The following DST variants were observed in gnomAD, a reference collection of about 807,000 sequenced individuals.
DST encodes bullous pemphigoid antigen.
DST carries 253 observed loss-of-function variants against 875.2 expected under a neutral mutation model. That is an observed-to-expected ratio of 0.29 (90% CI 0.26 to 0.32). The LOEUF (loss-of-function observed/expected upper bound fraction) is 0.32, where lower values mean the gene tolerates loss of function less well. Among genes scored for constraint, DST ranks in the 10% least tolerant of loss-of-function variants. The pLI is 1.00. For missense variants in DST, 8,287 were observed against 9,111.6 expected (o/e 0.91, Z 3.68); for synonymous variants, 3,124 against 3,197.1 (o/e 0.98, Z 0.77).
chr6:56,709,751 A>G (rs569774912), intron 5 of DST, among the ~76,000 whole-genome samples: 2 of 152,338 alleles, frequency 1.3e-5, no homozygotes, highest in South Asian at 4.1e-4. Context: ...AAAGAAATTT[A>G]GGCAAGAAAT....
At position 56,555,968 on chromosome 6, in the gene DST, T is replaced by C. The variant is rs369788003; in HGVS notation, c.14641-128A>G. On this transcript the variant is annotated intron_variant, in intron 59 of 103. Transcript: ENST00000680361. ...TTTTGTTTTTTAGTTATCACTTTCC[T>C]ACTTTTTACTTAAAGGGCAGTACAA... The C allele has an allele frequency of 1.8e-4, 166 of 942,220 alleles. 3 individuals are homozygous for C. In the South Asian group the frequency reaches 4.4e-3, roughly 25 times the overall value. The allele number at this position is 942,220 out of a possible 1,614,324, so 58.4% of individuals were successfully genotyped here.
rs368574487 is a variant in DST, at chr6:56,752,321, C to CT, written c.626-17033dup. On this transcript the variant is annotated intron_variant, in intron 4 of 103. Coordinates refer to ENST00000680361, the MANE Select transcript of DST (RefSeq NM_001374736.1). The stretch of plus-strand genomic sequence containing the variant: ...AAAAAGAGCTTGGCTTGATTTTATG[C>CT]TTTTTTTTTTTAAATCAAGGTACAA... Among the ~76,000 whole-genome samples, 258 of 145,684 alleles carry CT rather than the reference C, an allele frequency of 1.8e-3. No homozygotes were observed. In the East Asian group the frequency reaches 0.021, roughly 12 times the overall value.
chr6:56,922,802 A>G (rs1804980111), intron 2 of DST, among the ~76,000 whole-genome samples: 1 of 152,180 alleles, frequency 6.6e-6, no homozygotes, highest in Non-Finnish European at 1.5e-5. Context: ...GTCAAAAGAA[A>G]AATGGATGAG....
At chr6:56,620,688 G>T in intron 36 of DST, 1 of 1,613,850 alleles carries the variant, frequency 6.2e-7, no homozygotes, top group Non-Finnish European at 8.5e-7. Context: ...TATGCCCCAT[G>T]TTCAGAAGTC....
intron 12 of DST, among the ~76,000 whole-genome samples, chr6:56,649,989 C>T (rs559725435): frequency 1.8e-4 from 28 of 152,136 alleles, no homozygotes; most frequent in Admixed American, 1.1e-3. Context: ...TCTGAAGCAA[C>T]GCTCAACATT....
Position 56,501,063 on chromosome 6 carries a change from C to T in DST, c.19896+17G>A. 1 of 1,608,802 alleles carries T rather than the reference C, an allele frequency of 6.2e-7. No homozygotes were observed. The highest frequency in any genetic ancestry group is 8.5e-7 in the Non-Finnish European group (1 of 1,177,422). On this transcript the variant is annotated intron_variant, in intron 80 of 103. Coordinates refer to ENST00000680361, the MANE Select transcript of DST (RefSeq NM_001374736.1). ...ATGGACAGAGAAGAAACATAACATG[C>T]ATTAACAGCTACGTACATGATGCTT...
intron 3 of DST, among the ~76,000 whole-genome samples, chr6:56,866,746 GC>G (rs1774327247): frequency 6.6e-6 from 1 of 152,088 alleles, no homozygotes; most frequent in Admixed American, 6.6e-5. Context: ...CAGAAAGTAA[GC>G]CCTTTGTTTC....
Position 56,633,050 on chromosome 6 carries a change from A to G in DST, c.3622-13T>C. Reference sequence around the variant, plus strand: ...GCATTGTCTTTATCTAAAGAAGACCAAAGACCCATGTAATTCATTCTATTA... The same window carrying G: ...GCATTGTCTTTATCTAAAGAAGACCGAAGACCCATGTAATTCATTCTATTA... On this transcript the variant is annotated splice_polypyrimidine_tract_variant and intron_variant, in intron 27 of 103. Transcript: ENST00000680361. 6.2e-7 allele frequency: 1 copy of G among 1,611,732 alleles called. No homozygotes were observed. The highest frequency in any genetic ancestry group is 1.7e-4 in the Middle Eastern group (1 of 6,056).
At chr6:56,473,042 G>A (rs1383076392) in intron 93 of DST, among the ~76,000 whole-genome samples, 1 of 152,170 alleles carries the variant, frequency 6.6e-6, no homozygotes, top group African/African-American at 2.4e-5. Context: ...TAAGCATTTT[G>A]TATGTACTAG....
At chr6:56,769,548 G>A (rs758476858) in intron 4 of DST, among the ~76,000 whole-genome samples, 4 of 152,226 alleles carry the variant, frequency 2.6e-5, no homozygotes, top group East Asian at 1.9e-4. Context: ...GGTCAGGCAC[G>A]GTGGCTCATG....
chr6:56,701,849 A>G, intron 8 of DST, 39 bp downstream of exon 8: 2 of 1,268,218 alleles, frequency 1.6e-6, no homozygotes, highest in Non-Finnish European at 2.3e-6. Context: ...TATTAGTAAC[A>G]TATATTTATA....
chr6:56,800,057 G>A (rs545945442), intron 4 of DST, among the ~76,000 whole-genome samples: 14 of 152,170 alleles, frequency 9.2e-5, no homozygotes, highest in African/African-American at 2.9e-4. Flanking sequence ...TCTCTGACTT[G>A]ACTTATTGCA....
intron 4 of DST, among the ~76,000 whole-genome samples, chr6:56,775,431 TACTA>T (rs2099677049): frequency 6.6e-6 from 1 of 152,226 alleles, no homozygotes; most frequent in Non-Finnish European, 1.5e-5. Flanking sequence ...GTATTTCACT[TACTA>T]ACTAAAATAG....
chr6:56,843,445 C>T, intron 4 of DST: 1 of 1,021,780 alleles, frequency 9.8e-7, no homozygotes, highest in South Asian at 4.6e-5. Flanking sequence ...GGGGCGGCGA[C>T]GAGCAGCGCC....
intron 69 of DST, among the ~76,000 whole-genome samples, chr6:56,518,928 T>C (rs1249128366): frequency 6.6e-6 from 1 of 152,194 alleles, no homozygotes; most frequent in Non-Finnish European, 1.5e-5. Flanking sequence ...ATTCATACTT[T>C]AAAAACTCTG....
chr6:56,653,819 A>G (rs891139065), intron 10 of DST, among the ~76,000 whole-genome samples: 1 of 152,236 alleles, frequency 6.6e-6, no homozygotes, highest in African/African-American at 2.4e-5. Context: ...ACCTGCCTGA[A>G]GCATCCAGAA....
In DST at chr6:56,459,155, C is replaced by A; in HGVS notation, c.23307G>T (p.Gln7769His). The A allele has an allele frequency of 6.2e-7, 1 of 1,613,942 alleles. No homozygotes were observed. The change falls in exon 104 of 104, where the codon CAG (glutamine) becomes CAT (histidine). Residue 7769 changes from glutamine to histidine, a missense_variant. Transcript: ENST00000680361. ...CAGTTTCCACATCTGAGCACACGGACTGGATTTCTGAAATGTCAAAGTCTG... is the reference window on the plus strand; with the variant it reads ...CAGTTTCCACATCTGAGCACACGGAATGGATTTCTGAAATGTCAAAGTCTG... ...DASDFDISEIQSVCSDVETVP... is the reference protein window; with the variant it reads ...DASDFDISEIHSVCSDVETVP...
intron 61 of DST, among the ~76,000 whole-genome samples, chr6:56,539,516 T>G (rs1052708520): frequency 4.6e-5 from 7 of 152,092 alleles, no homozygotes; most frequent in Non-Finnish European, 8.8e-5. Flanking sequence ...AGAGAGCCTT[T>G]CCCCCTAATC....
intron 61 of DST, among the ~76,000 whole-genome samples, chr6:56,546,099 C>T (rs2097215741): frequency 6.6e-6 from 1 of 151,552 alleles, no homozygotes; most frequent in African/African-American, 2.4e-5. Context: ...ATATTCTCAT[C>T]CTAAAGCCCT....
Sources: gnomAD v4.1 joint callset for allele counts (sites outside exome capture counted in the v4.1 genomes callset) on GRCh38, gnomAD v4.1.1 for gene constraint, MANE v1.5 for transcripts, NCBI Gene and HGNC (gene_info 2026-07-23, HGNC 2026-07-21) for gene names.